PRMT8: variants seen among roughly 807,000 people sequenced by gnomAD.
PRMT8 encodes protein arginine N-methyltransferase 8.
Under a neutral mutation model 47.1 loss-of-function variants are expected in PRMT8, and 7 were observed. The observed-to-expected ratio is 0.15, with a 90% CI of 0.08 to 0.28. The LOEUF (loss-of-function observed/expected upper bound fraction) is 0.28, where lower values mean the gene tolerates loss of function less well. Among genes scored for constraint, PRMT8 ranks in the 10% least tolerant of loss-of-function variants. The pLI, the probability that PRMT8 is intolerant of heterozygous loss-of-function variation, is 1.00. For missense variants in PRMT8, 237 were observed against 505.4 expected (o/e 0.47, Z 5.09); for synonymous variants, 188 against 186.5 (o/e 1.01, Z -0.07).
In PRMT8 at chr12:3,524,447, C is replaced by T. The variant is rs555250722; in HGVS notation, c.76-16159C>T. Among the ~76,000 whole-genome samples the T allele has an allele frequency of 5.3e-5, 8 of 152,112 alleles. No individual in the cohort carries two copies. The South Asian group carries it at 6.2e-4, about 12-fold the overall frequency. The stretch of plus-strand genomic sequence containing the variant: ...GCCTCCCCACCTTCCCCCTCTTCCC[C>T]GCCCCTTAGTTGCCCTCACCCGAAC... On this transcript the variant is annotated intron_variant, in intron 1 of 9. Transcript: ENST00000382622.
intron 1 of PRMT8, among the ~76,000 whole-genome samples, chr12:3,506,520 T>G (rs1467029248): frequency 6.6e-6 from 1 of 152,192 alleles, no homozygotes; most frequent in African/African-American, 2.4e-5. Context: ...AGAGGTCCAC[T>G]GTGCCATGTG....
At chr12:3,529,376 G>GT (rs1314430580) in intron 1 of PRMT8, among the ~76,000 whole-genome samples, 8 of 152,022 alleles carry the variant, frequency 5.3e-5, no homozygotes, top group South Asian at 4.2e-4. Flanking sequence ...TCTTTTATCT[G>GT]TTTTTTTAAC....
chr12:3,582,086 G>T (rs1312921995), intron 7 of PRMT8, among the ~76,000 whole-genome samples: 1 of 152,178 alleles, frequency 6.6e-6, no homozygotes, highest in Non-Finnish European at 1.5e-5. Context: ...CAGGACAGAG[G>T]TCCTTGCTGC....
At position 3,417,059 on chromosome 12, in the gene PRMT8, CAG is replaced by C. The variant is rs1864491191; in HGVS notation, c.48+35620_48+35621del. ...GGGAACTATTATACTGATCTGAAGC[CAG>C]AGTTTTTCAGGTTTTTGATGACTTC... is the stretch of plus-strand genomic sequence containing the variant. On this transcript the variant is annotated intron_variant, in intron 1 of 9. Transcript: ENST00000452611. Among the ~76,000 whole-genome samples, 4 of 152,278 alleles carry C rather than the reference CAG, an allele frequency of 2.6e-5. 1 individual carries two copies. The highest frequency in any genetic ancestry group is 9.6e-5 in the African/African-American group (4 of 41,558).
At chr12:3,458,045 G>A (rs1486723271) in intron 1 of PRMT8, among the ~76,000 whole-genome samples, 3 of 151,812 alleles carry the variant, frequency 2.0e-5, no homozygotes, top group African/African-American at 4.8e-5. Flanking sequence ...GTTTCACCAC[G>A]TTGGCCAGGC....
chr12:3,479,207 T>A (rs1865248763), intron 1 of PRMT8, among the ~76,000 whole-genome samples: 1 of 152,248 alleles, frequency 6.6e-6, no homozygotes, highest in Admixed American at 6.5e-5. Context: ...GAAAACCAAG[T>A]GGGACTAATG....
chr12:3,527,987 G>A (rs948599239), intron 1 of PRMT8, among the ~76,000 whole-genome samples: 1 of 152,100 alleles, frequency 6.6e-6, no homozygotes, highest in African/African-American at 2.4e-5. Context: ...CTTCTAGCTT[G>A]TGTTGTTTCT....
intron 1 of PRMT8, among the ~76,000 whole-genome samples, chr12:3,433,674 C>G (rs1036656281): frequency 6.6e-6 from 1 of 152,046 alleles, no homozygotes. Flanking sequence ...TGCAGTGGCG[C>G]GATCTCGGCT....
rs1393488674 is a variant in PRMT8, at chr12:3,453,387, C to G, written c.48+71945C>G. Among the ~76,000 whole-genome samples, 1 of 152,118 alleles carries G rather than the reference C, an allele frequency of 6.6e-6. No homozygotes were observed. Among genetic ancestry groups the G allele is most frequent in the Non-Finnish European group, 1.5e-5 (1 of 68,022 alleles). On this transcript the variant is annotated intron_variant, in intron 1 of 9. Transcript: ENST00000452611. This position sits in a 1 kb window ranked among gnomAD's most constrained non-coding sequence, Gnocchi z 4.9. ...AGAGTTTGCACTGGTGGCTGGGTGTCGCCGTCAGCAGGTGAGGGAGCGCAT... is the reference window on the plus strand; with the variant it reads ...AGAGTTTGCACTGGTGGCTGGGTGTGGCCGTCAGCAGGTGAGGGAGCGCAT...
chr12:3,490,068 A>C (rs191203156), upstream of PRMT8, among the ~76,000 whole-genome samples: 1 of 152,260 alleles, frequency 6.6e-6, no homozygotes, highest in East Asian at 1.9e-4. Flanking sequence ...CTTCCCAGTT[A>C]TCGAAGGTGA....
chr12:3,523,155 A>G (rs1236234671), intron 1 of PRMT8, among the ~76,000 whole-genome samples: 1 of 152,240 alleles, frequency 6.6e-6, no homozygotes, highest in Non-Finnish European at 1.5e-5. Flanking sequence ...CTATGTCCTA[A>G]AACAGGTTGC....
upstream of PRMT8, among the ~76,000 whole-genome samples, chr12:3,490,919 C>G (rs1189837998): frequency 6.6e-6 from 1 of 152,034 alleles, no homozygotes; most frequent in Non-Finnish European, 1.5e-5. Flanking sequence ...TCGCCCGGAC[C>G]TCGCCCTAGG....
intron 1 of PRMT8, among the ~76,000 whole-genome samples, chr12:3,448,328 T>C (rs971697733): frequency 1.3e-5 from 2 of 152,240 alleles, no homozygotes; most frequent in African/African-American, 4.8e-5. Context: ...TTAAGAATCA[T>C]TGAGGGCACC....
upstream of PRMT8, among the ~76,000 whole-genome samples, chr12:3,487,455 A>G (rs780888713): frequency 2.0e-5 from 3 of 152,184 alleles, no homozygotes; most frequent in Non-Finnish European, 4.4e-5. Context: ...TACAGTCTTC[A>G]CCTTCTGGGG....
intron 1 of PRMT8, among the ~76,000 whole-genome samples, chr12:3,439,357 C>A (rs1441563830): frequency 6.6e-6 from 1 of 152,120 alleles, no homozygotes; most frequent in Admixed American, 6.5e-5. Flanking sequence ...CTCCTGGGTA[C>A]CGGTGGTCTC....
In PRMT8 at chr12:3,580,355, T is replaced by TGTGC. The variant is rs1307865882; in HGVS notation, c.829-2700_829-2699insCGTG. The stretch of plus-strand genomic sequence containing the variant: ...GCGTGTGCGTGTGTGTGTGTGTGTG[T>TGTGC]GTGTGTGTGTGTACGCGTGCGCATG... On this transcript the variant is annotated intron_variant, in intron 7 of 9. Transcript: ENST00000382622. The surrounding 1 kb of genome is among the most constrained non-coding windows in gnomAD (Gnocchi z 4.6). Among the ~76,000 whole-genome samples the TGTGC allele has an allele frequency of 7.7e-6, 1 of 129,038 alleles. No homozygotes were observed. The highest frequency in any genetic ancestry group is 1.9e-5 in the Non-Finnish European group (1 of 52,454). 84.7% of individuals were successfully genotyped at this position (129,038 alleles called of 152,430 possible).
chr12:3,520,192 GA>G (rs929521513), intron 1 of PRMT8, among the ~76,000 whole-genome samples: 10 of 152,238 alleles, frequency 6.6e-5, no homozygotes, highest in African/African-American at 2.4e-4. Context: ...TGGGTCACCA[GA>G]AGGGGCGATG....
intron 1 of PRMT8, among the ~76,000 whole-genome samples, chr12:3,448,989 T>G (rs1035151890): frequency 1.3e-5 from 2 of 152,142 alleles, no homozygotes; most frequent in African/African-American, 4.8e-5. Flanking sequence ...CACGCGGTGT[T>G]TGGTTTTCTG....
chr12:3,480,034 A>AT (rs1320843929), intron 1 of PRMT8, among the ~76,000 whole-genome samples: 2 of 152,196 alleles, frequency 1.3e-5, no homozygotes, highest in Non-Finnish European at 2.9e-5. Context: ...CCACAGATGC[A>AT]TTTCATCAGC....
Sources: gnomAD v4.1 joint callset for allele counts (sites outside exome capture counted in the v4.1 genomes callset) on GRCh38, gnomAD v4.1.1 for gene constraint, Gnocchi (gnomAD v3.1) non-coding constraint, MANE v1.5 for transcripts, NCBI Gene and HGNC (gene_info 2026-07-23, HGNC 2026-07-21) for gene names.